CCDC172: variants seen among roughly 807,000 people sequenced by gnomAD.
CCDC172 encodes coiled-coil domain-containing protein 172.
CCDC172 carries 30 observed loss-of-function variants against 38.0 expected under a neutral mutation model. The observed-to-expected ratio is 0.79, with a 90% CI of 0.59 to 1.07. The LOEUF is 1.07. CCDC172 is among the 50% of genes least tolerant of loss of function. CCDC172 has a pLI of 0.00. For missense variants in CCDC172, 297 were observed against 290.1 expected (o/e 1.02, Z -0.17); for synonymous variants, 78 against 88.3 (o/e 0.88, Z 0.66).
chr10:116,348,767 T>C (rs928422293), intron 5 of CCDC172, among the ~76,000 whole-genome samples: 13 of 152,300 alleles, frequency 8.5e-5, no homozygotes, highest in African/African-American at 3.1e-4. Flanking sequence ...TTCTTTGTGC[T>C]AAAGGCATGC....
intron 3 of CCDC172, among the ~76,000 whole-genome samples, chr10:116,336,244 A>G (rs1482418442): frequency 1.3e-5 from 2 of 148,452 alleles, no homozygotes; most frequent in East Asian, 3.9e-4. Flanking sequence ...TATATTATAT[A>G]TAATAGTATG....
At position 116,335,044 on chromosome 10, in the gene CCDC172, T is replaced by G. The variant is rs1204610736; in HGVS notation, c.166-5690T>G. Among the ~76,000 whole-genome samples, 3 of 152,072 alleles carry G rather than the reference T, an allele frequency of 2.0e-5. No homozygotes were observed. In the East Asian group the frequency reaches 5.8e-4, roughly 29 times the overall value. The stretch of plus-strand genomic sequence containing the variant: ...TGTTGCAAACTTTATTATTTGTATC[T>G]TGGCTTTTTATGACATGATTTTCTA... On this transcript the variant is annotated intron_variant, in intron 3 of 8. Coordinates refer to ENST00000333254, the MANE Select transcript of CCDC172 (RefSeq NM_198515.3).
chr10:116,360,947 C>CTTCT (rs1845056620), intron 7 of CCDC172, among the ~76,000 whole-genome samples: 1 of 151,976 alleles, frequency 6.6e-6, no homozygotes, highest in Admixed American at 6.6e-5. Flanking sequence ...TTATGCTTGC[C>CTTCT]TTCTGCCTTT....
At chr10:116,374,274 G>A (rs750602982) in intron 7 of CCDC172, among the ~76,000 whole-genome samples, 8 of 152,010 alleles carry the variant, frequency 5.3e-5, no homozygotes, top group African/African-American at 7.2e-5. Flanking sequence ...AGTGCTTCCC[G>A]TAAGTGAAAA....
chr10:116,342,239 G>A (rs1284664385), intron 5 of CCDC172, 38 bp downstream of exon 5: 2 of 1,488,484 alleles, frequency 1.3e-6, no homozygotes, highest in Non-Finnish European at 1.8e-6. Context: ...TTGCATTAAT[G>A]AAAATAACTT....
chr10:116,361,307 C>A (rs1845062081), intron 7 of CCDC172, among the ~76,000 whole-genome samples: 1 of 152,046 alleles, frequency 6.6e-6, no homozygotes, highest in South Asian at 2.1e-4. Context: ...TATTACCCAA[C>A]ACGAGGTTTA....
chr10:116,371,847 T>C (rs1845189077), intron 7 of CCDC172, among the ~76,000 whole-genome samples: 2 of 151,938 alleles, frequency 1.3e-5, no homozygotes, highest in Non-Finnish European at 2.9e-5. Flanking sequence ...TGCAACTGTC[T>C]CTCCCCAAAA....
chr10:116,358,731 G>A (rs1355047483), intron 7 of CCDC172, among the ~76,000 whole-genome samples: 1 of 152,162 alleles, frequency 6.6e-6, no homozygotes, highest in African/African-American at 2.4e-5. Flanking sequence ...TTAATTTTAT[G>A]TTAAGTTTTA....
chr10:116,361,389 C>T (rs1845062892), intron 7 of CCDC172, among the ~76,000 whole-genome samples: 2 of 152,234 alleles, frequency 1.3e-5, no homozygotes, highest in South Asian at 2.1e-4. Context: ...CAATTTTAAA[C>T]ATTTCAGGAA....
In CCDC172 at chr10:116,351,377, A is replaced by G. The variant is rs558544653; in HGVS notation, c.449-6003A>G. The stretch of plus-strand genomic sequence containing the variant: ...GAATTGTCCACTTTCAGTTACCTAC[A>G]CTAGTGGACAGAAACATTGTGAATA... On this transcript the variant is annotated intron_variant, in intron 5 of 8. Transcript: ENST00000333254. Among the ~76,000 whole-genome samples the G allele has an allele frequency of 8.5e-5, 13 of 152,288 alleles. No individual in the cohort carries two copies. In the South Asian group the frequency reaches 2.7e-3, roughly 32 times the overall value.
rs147758490 is a variant in CCDC172, at chr10:116,372,166, CA to C, written c.654-6256del. On this transcript the variant is annotated intron_variant, in intron 7 of 8. Coordinates refer to ENST00000333254, the MANE Select transcript of CCDC172 (RefSeq NM_198515.3). ...CTCTGTTTCCTTCTTAGCTTGTATA[CA>C]TAACTTATAGGTAGTTTTATTTGGT... Among the ~76,000 whole-genome samples, 78 of 152,194 alleles carry C rather than the reference CA, an allele frequency of 5.1e-4. No individual in the cohort carries two copies. In the East Asian group the frequency reaches 0.014, roughly 28 times the overall value.
At chr10:116,343,532 T>TGA (rs1565715165) in intron 5 of CCDC172, among the ~76,000 whole-genome samples, 1 of 136,554 alleles carries the variant, frequency 7.3e-6, no homozygotes, top group Non-Finnish European at 1.6e-5. Context: ...TTTTTTTTTT[T>TGA]AAAAAAATAT....
At chr10:116,335,198 G>A (rs946180111) in intron 3 of CCDC172, among the ~76,000 whole-genome samples, 12 of 152,094 alleles carry the variant, frequency 7.9e-5, no homozygotes, top group African/African-American at 2.9e-4. Flanking sequence ...TACTTTTATA[G>A]TGGTTTTCTT....
chr10:116,338,596 G>A (rs1844757863), intron 3 of CCDC172, among the ~76,000 whole-genome samples: 1 of 152,034 alleles, frequency 6.6e-6, no homozygotes, highest in Admixed American at 6.6e-5. Context: ...TCATTTTTTA[G>A]GTAATGGTGA....
At chr10:116,354,588 G>T (rs574272073) in intron 5 of CCDC172, among the ~76,000 whole-genome samples, 1 of 152,302 alleles carries the variant, frequency 6.6e-6, no homozygotes, top group Non-Finnish European at 1.5e-5. Flanking sequence ...GCCGGGCATG[G>T]TGGCATGCAC....
intron 5 of CCDC172, among the ~76,000 whole-genome samples, chr10:116,346,823 A>AT (rs1467917242): frequency 3.3e-5 from 5 of 152,130 alleles, no homozygotes; most frequent in African/African-American, 1.2e-4. Context: ...TAACATTTTC[A>AT]TATAAAACTT....
intron 5 of CCDC172, among the ~76,000 whole-genome samples, chr10:116,353,540 A>G (rs983283306): frequency 2.0e-5 from 3 of 152,124 alleles, no homozygotes; most frequent in African/African-American, 7.2e-5. Flanking sequence ...TAAAAAGATA[A>G]CCCAATTTAA....
chr10:116,354,091 G>C (rs373982029), intron 5 of CCDC172, among the ~76,000 whole-genome samples: 116 of 152,278 alleles, frequency 7.6e-4, no homozygotes, highest in Admixed American at 1.3e-3. Context: ...TATGACAGTG[G>C]TGCAATAAGA....
Position 116,342,111 on chromosome 10 carries a change from GA to G in CCDC172, c.361del (p.Ile121Ter), listed in dbSNP as rs765328815. On this transcript the variant is annotated frameshift_variant, in exon 5 of 9. Coordinates refer to ENST00000333254, the MANE Select transcript of CCDC172 (RefSeq NM_198515.3). LOFTEE classifies it high-confidence loss of function. ...KEITDFNNDY[E>X]ITKKRELLMK... is the part of the protein sequence containing the mutation. Reference sequence around the variant, plus strand: ...AATTACAGACTTTAATAATGATTATGAAATAACAAAGAAAAGAGAGCTTTTG... The same window carrying G: ...AATTACAGACTTTAATAATGATTATGAATAACAAAGAAAAGAGAGCTTTTG... 3.9e-6 allele frequency: 6 copies of G among 1,550,906 alleles called. No individual in the cohort carries two copies. In the African/African-American group the frequency reaches 8.6e-5, roughly 22 times the overall value.
Sources: gnomAD v4.1 joint callset for allele counts (sites outside exome capture counted in the v4.1 genomes callset) on GRCh38, gnomAD v4.1.1 for gene constraint, MANE v1.5 for transcripts, NCBI Gene and HGNC (gene_info 2026-07-23, HGNC 2026-07-21) for gene names.